Variants in FGFR3 observed in about 807,000 individuals in gnomAD.
FGFR3 encodes the protein fibroblast growth factor receptor 3.
Under a neutral mutation model 82.9 loss-of-function variants are expected in FGFR3, and 25 were observed. That is an observed-to-expected ratio of 0.30 (90% CI 0.22 to 0.42). The LOEUF (loss-of-function observed/expected upper bound fraction) is 0.42. Among genes scored for constraint, FGFR3 ranks in the 10% least tolerant of loss-of-function variants. The pLI is 1.00. For synonymous variants in FGFR3, 620 were observed against 516.0 expected (o/e 1.20, Z -2.73); for missense variants, 1,026 against 1,161.0 (o/e 0.88, Z 1.69).
chr4:1,806,349 G>C (rs747088468), intron 15 of FGFR3, 22 bp downstream of exon 15: 2 of 1,612,738 alleles, frequency 1.2e-6, no homozygotes, highest in Admixed American at 1.7e-5. Context: ...GCAGAGCTCA[G>C]GCTTCAGGGG....
intron 8 of FGFR3, 137 bp from the exon 9 acceptor site, chr4:1,804,193 C>A: frequency 1.0e-6 from 1 of 1,000,412 alleles, no homozygotes; most frequent in Non-Finnish European, 1.5e-6. Flanking sequence ...ACTGCGAGAC[C>A]CTCCAGACAA....
chr4:1,800,730 A>G (rs1721080149), intron 4 of FGFR3, among the ~76,000 whole-genome samples: 1 of 152,032 alleles, frequency 6.6e-6, no homozygotes, highest in South Asian at 2.1e-4. Context: ...ATGCCAGCCC[A>G]TCCTTGCCTG....
At chr4:1,805,965 G>A (rs2108805454) in intron 13 of FGFR3, 25 bp downstream of exon 13, 5 of 1,608,630 alleles carry the variant, frequency 3.1e-6, no homozygotes, top group Admixed American at 1.7e-5. Flanking sequence ...AGGTGTGGGT[G>A]GAGTAGGCTG....
chr4:1,807,411 GTGTGTGTGCACATCCGCGTGTGCC>G lies in FGFR3; in HGVS notation c.*156_*179del. On this transcript the variant is annotated 3_prime_UTR_variant, in exon 18 of 18. Coordinates refer to ENST00000440486, the MANE Select transcript of FGFR3 (RefSeq NM_000142.5). ...TGTGTGTGTGTGTGCGTGTGTGTGT[GTGTGTGTGCACATCCGCGTGTGCC>G]TGTGTGCGTGCGCATCTTGCCTCCA... The G allele has an allele frequency of 8.5e-7, 1 of 1,170,576 alleles. No homozygotes were observed. Among genetic ancestry groups the G allele is most frequent in the Non-Finnish European group, 1.2e-6 (1 of 815,178 alleles). The allele number at this position is 1,170,576 out of a possible 1,614,324, so 72.5% of individuals were successfully genotyped here. A position where few individuals can be genotyped will look rare whatever the true frequency, so the allele number is the denominator to read the frequency against.
chr4:1,805,609 A>C lies in FGFR3; in HGVS notation c.1585A>C (p.Met529Leu). 1 of 1,613,366 alleles carries C rather than the reference A, an allele frequency of 6.2e-7. No individual in the cohort carries two copies. The highest frequency in any genetic ancestry group is 8.5e-7 in the Non-Finnish European group (1 of 1,179,804). Residue 529 changes from methionine (M) to leucine (L), a missense_variant, in exon 12 of 18, where the codon ATG becomes CTG. Met to Leu is a conservative substitution (Grantham distance 15, BLOSUM62 2). Coordinates refer to ENST00000440486, the MANE Select transcript of FGFR3 (RefSeq NM_000142.5). ...LSDLVSEMEM[M>L]KMIGKHKNII... ...GGACCTGGTGTCTGAGATGGAGATG[A>C]TGAAGATGATCGGGAAACACAAAAA...
chr4:1,807,145 G>T lies in FGFR3; in HGVS notation c.2304G>T (p.Glu768Asp). The T allele has an allele frequency of 6.3e-7, 1 of 1,597,044 alleles. No individual in the cohort carries two copies. The highest frequency in any genetic ancestry group is 8.5e-7 in the Non-Finnish European group (1 of 1,172,458). The change falls in exon 18 of 18, where the codon GAG (glutamate) becomes GAT (aspartate). Residue 768 changes from glutamate to aspartate, a missense_variant. Around this residue, in one of 9 missense-constraint regions of FGFR3, gnomAD observed 155 missense variants for 150.2 expected, o/e 1.03. Transcript: ENST00000440486. ...ACCTGGACCTGTCGGCGCCTTTCGA[G>T]CAGTACTCCCCGGGTGGCCAGGACA... is the stretch of plus-strand genomic sequence containing the variant. ...DEYLDLSAPF[E>D]QYSPGGQDTP...
Position 1,805,783 on chromosome 4 carries a change from A to T in FGFR3, c.1679A>T (p.Lys560Met). 1 of 1,612,602 alleles carries T rather than the reference A, an allele frequency of 6.2e-7. No homozygotes were observed. Among genetic ancestry groups the T allele is most frequent in the South Asian group, 1.1e-5 (1 of 91,062 alleles). Reference protein sequence around the residue: ...PLYVLVEYAAKGNLREFLRAR... With the variant: ...PLYVLVEYAAMGNLREFLRAR... ...TACGTGCTGGTGGAGTACGCGGCCAAGGGTAACCTGCGGGAGTTTCTGCGG... is the reference window on the plus strand; with the variant it reads ...TACGTGCTGGTGGAGTACGCGGCCATGGGTAACCTGCGGGAGTTTCTGCGG... The change falls in exon 13 of 18, where the codon AAG becomes ATG. Residue 560 changes from lysine to methionine, a missense_variant. Physicochemically the swap from Lys to Met is moderately conservative, Grantham distance 95. Coordinates refer to ENST00000440486, the MANE Select transcript of FGFR3 (RefSeq NM_000142.5).
intron 10 of FGFR3, 106 bp downstream of exon 10, chr4:1,805,075 G>C: frequency 7.0e-7 from 1 of 1,431,670 alleles, no homozygotes; most frequent in Non-Finnish European, 9.3e-7. Flanking sequence ...CAGGGATGTG[G>C]CGGATGTTGG....
chr4:1,797,430 G>C (rs17880523), intron 2 of FGFR3, among the ~76,000 whole-genome samples: 1 of 152,180 alleles, frequency 6.6e-6, no homozygotes, highest in African/African-American at 2.4e-5. Flanking sequence ...CACCACACAC[G>C]GGCAGATGGC....
chr4:1,801,384 C>T lies in FGFR3; in HGVS notation c.463C>T (p.Arg155Trp), dbSNP rs1361311749. ...GVDTGAPYWT[R>W]PERMDKKLLA... ...GCCCGCAGGGGCCCCTTACTGGACACGGCCCGAGCGGATGGACAAGAAGCT... is the reference window on the plus strand; with the variant it reads ...GCCCGCAGGGGCCCCTTACTGGACATGGCCCGAGCGGATGGACAAGAAGCT... The change falls in exon 5 of 18, where the codon CGG (arginine) becomes TGG (tryptophan). Residue 155 changes from arginine to tryptophan, a missense_variant. Physicochemically the swap from Arg to Trp is moderately radical, Grantham distance 101. Around this residue, in one of 9 missense-constraint regions of FGFR3, gnomAD observed 147 missense variants for 228.1 expected, o/e 0.64. Coordinates refer to ENST00000440486, the MANE Select transcript of FGFR3 (RefSeq NM_000142.5). 6 of 1,556,292 alleles carry T rather than the reference C, an allele frequency of 3.9e-6. No homozygotes were observed. The highest frequency in any genetic ancestry group is 2.4e-5 in the South Asian group (2 of 84,762).
chr4:1,802,490 C>CGGGTG (rs1721316347), intron 7 of FGFR3, among the ~76,000 whole-genome samples: 1 of 152,156 alleles, frequency 6.6e-6, no homozygotes, highest in Non-Finnish European at 1.5e-5. Flanking sequence ...CCATGGCTGC[C>CGGGTG]GGGTGGGGGC....
intron 2 of FGFR3, among the ~76,000 whole-genome samples, chr4:1,797,104 A>T (rs549312620): frequency 1.1e-4 from 17 of 152,280 alleles, no homozygotes; most frequent in African/African-American, 3.4e-4. Flanking sequence ...TTTGTCTCCA[A>T]CGTGTTTGGG....
intron 4 of FGFR3, among the ~76,000 whole-genome samples, chr4:1,800,070 T>A (rs1721007745): frequency 6.6e-6 from 1 of 151,790 alleles, no homozygotes; most frequent in Admixed American, 6.6e-5. Context: ...GCCCTGGGGG[T>A]TCCAGGAGCA....
Position 1,793,993 on chromosome 4 carries a change from C to G in FGFR3, c.59C>G (p.Ala20Gly). Residue 20 changes from alanine (A) to glycine (G), a missense_variant, in exon 2 of 18, where the codon GCC (alanine) becomes GGC (glycine). This residue lies in a region of FGFR3 where 226 missense variants were observed against 222.0 expected (regional missense o/e 1.02). Coordinates refer to ENST00000440486, the MANE Select transcript of FGFR3 (RefSeq NM_000142.5). ...GTGGCCGTGGCCATCGTGGCCGGCG[C>G]CTCCTCGGAGTCCTTGGGGACGGAG... ...LCVAVAIVAG[A>G]SSESLGTEQR... The G allele has an allele frequency of 2.2e-6, 3 of 1,390,214 alleles. No individual in the cohort carries two copies. The highest frequency in any genetic ancestry group is 2.8e-6 in the Non-Finnish European group (3 of 1,060,056). 86.1% of individuals were successfully genotyped at this position (1,390,214 alleles called of 1,614,324 possible). A position where few individuals can be genotyped will look rare whatever the true frequency, so the allele number is the denominator to read the frequency against.
chr4:1,797,482 C>T (rs1335055243), intron 2 of FGFR3, among the ~76,000 whole-genome samples: 1 of 152,224 alleles, frequency 6.6e-6, no homozygotes, highest in African/African-American at 2.4e-5. Context: ...CCCCCGTCCC[C>T]CCGTGCTGGA....
chr4:1,794,522 G>C (rs1383542848), intron 2 of FGFR3, among the ~76,000 whole-genome samples: 1 of 152,160 alleles, frequency 6.6e-6, no homozygotes, highest in Non-Finnish European at 1.5e-5. Context: ...CTGCCCGCCC[G>C]AAGAGGCAGC....
intron 4 of FGFR3, 142 bp from the exon 5 acceptor site, chr4:1,801,224 TG>T: frequency 1.1e-6 from 1 of 911,270 alleles, no homozygotes; most frequent in Non-Finnish European, 1.7e-6. Flanking sequence ...TGGAGGCTCC[TG>T]GGAACCTCAT....
chr4:1,804,037 C>A (rs1577283393), intron 8 of FGFR3, among the ~76,000 whole-genome samples: 1 of 152,326 alleles, frequency 6.6e-6, no homozygotes, highest in East Asian at 1.9e-4. Context: ...CCTCAGCCCC[C>A]TCGAGCCCAC....
At position 1,806,826 on chromosome 4, in the gene FGFR3, C is replaced by T. The variant is rs1420565888; in HGVS notation, c.2169-3C>T. On this transcript the variant is annotated splice_region_variant and splice_polypyrimidine_tract_variant and intron_variant, in intron 16 of 17. Coordinates refer to ENST00000440486, the MANE Select transcript of FGFR3 (RefSeq NM_000142.5). ...GGCTCACTCCTGAGCGCCCTGCCCGCAGGTACATGATCATGCGGGAGTGCT... is the reference window on the plus strand; with the variant it reads ...GGCTCACTCCTGAGCGCCCTGCCCGTAGGTACATGATCATGCGGGAGTGCT... The T allele has an allele frequency of 3.7e-6, 6 of 1,603,460 alleles. No homozygotes were observed. The South Asian group carries it at 4.5e-5, about 12-fold the overall frequency.
Sources: gnomAD v4.1 joint callset for allele counts (sites outside exome capture counted in the v4.1 genomes callset) on GRCh38, gnomAD v4.1.1 for gene constraint, gnomAD v4.1.1 regional missense constraint, MANE v1.5 for transcripts, NCBI Gene and HGNC (gene_info 2026-07-23, HGNC 2026-07-21) for gene names.